TSHZ2: variants seen among roughly 807,000 people sequenced by gnomAD.
The protein encoded by TSHZ2 is teashirt zinc finger homeobox 2.
TSHZ2 carries 21 observed loss-of-function variants against 74.4 expected under a neutral mutation model. The ratio of observed to expected loss-of-function variants is 0.28; its 90% CI spans 0.20 to 0.41. The LOEUF (loss-of-function observed/expected upper bound fraction) is 0.41. Among genes scored for constraint, TSHZ2 ranks in the 10% least tolerant of loss-of-function variants. The pLI is 1.00. For synonymous variants in TSHZ2, 540 were observed against 515.3 expected, an observed-to-expected ratio of 1.05 and a Z score of -0.65; for missense variants, 1,244 against 1,293.5, an observed-to-expected ratio of 0.96 and a Z score of 0.59.
chr20:53,255,459 C>G lies in TSHZ2; in HGVS notation c.2001C>G (p.Pro667=). 1.2e-6 allele frequency: 2 copies of G among 1,610,168 alleles called. No homozygotes were observed. The highest frequency in any genetic ancestry group is 1.7e-6 in the Non-Finnish European group (2 of 1,179,670). ...LMKEGSEKEK[P]QPLEPTSALS... is the part of the protein sequence containing the mutation. ...AAGAGGGCAGCGAGAAGGAGAAACC[C>G]CAGCCCCTGGAGCCCACATCTGCTC... The change falls in exon 2 of 3, where the codon CCC becomes CCG. Residue 667 remains proline (P), a synonymous_variant. Coordinates refer to ENST00000371497, the MANE Select transcript of TSHZ2 (RefSeq NM_173485.6). The surrounding 1 kb of genome is among the most constrained non-coding windows in gnomAD (Gnocchi z 4.1).
chr20:53,255,142 T>C lies in TSHZ2; in HGVS notation c.1684T>C (p.Ser562Pro), dbSNP rs1320477553. 1 of 1,614,018 alleles carries C rather than the reference T, an allele frequency of 6.2e-7. No homozygotes were observed. Among genetic ancestry groups the C allele is most frequent in the Non-Finnish European group, 8.5e-7 (1 of 1,180,034 alleles). Residue 562 changes from serine (S) to proline (P), a missense_variant, in exon 2 of 3, where the codon TCC becomes CCC. Coordinates refer to ENST00000371497, the MANE Select transcript of TSHZ2 (RefSeq NM_173485.6). This position sits in a 1 kb window ranked among gnomAD's most constrained non-coding sequence, Gnocchi z 4.1. ...EGTKPPLPMG[S>P]QVLQIRPNLT... ...CACCAAGCCGCCTTTGCCTATGGGA[T>C]CCCAGGTACTGCAGATCCGGCCTAA...
At chr20:53,168,804 C>T (rs1262110733) in intron 1 of TSHZ2, 1 of 152,220 alleles carries the variant, frequency 6.6e-6, no homozygotes, top group Non-Finnish European at 1.5e-5. Flanking sequence ...ATGCCCATCA[C>T]TTCTTCCCTC....
intron 2 of TSHZ2, among the ~76,000 whole-genome samples, chr20:53,349,160 C>T (rs1980549117): frequency 6.6e-6 from 1 of 152,196 alleles, no homozygotes; most frequent in Non-Finnish European, 1.5e-5. Flanking sequence ...AATCCTTGCT[C>T]TACCACTAAC....
chr20:53,071,813 G>A (rs924575478), intron 1 of TSHZ2, among the ~76,000 whole-genome samples: 1 of 152,160 alleles, frequency 6.6e-6, no homozygotes, highest in Non-Finnish European at 1.5e-5. Context: ...GAGTAGTACT[G>A]TGTGTATCTG....
intron 1 of TSHZ2, among the ~76,000 whole-genome samples, chr20:53,065,640 G>A (rs1288625048): frequency 6.6e-6 from 1 of 152,178 alleles, no homozygotes; most frequent in Non-Finnish European, 1.5e-5. Flanking sequence ...CACTTAAAGT[G>A]CATTCCCTCT....
intron 2 of TSHZ2, among the ~76,000 whole-genome samples, chr20:53,354,805 T>C (rs1980786622): frequency 6.6e-6 from 1 of 152,230 alleles, no homozygotes. Flanking sequence ...TTTTATGATA[T>C]ACAATTAATT....
intron 2 of TSHZ2, among the ~76,000 whole-genome samples, chr20:53,316,651 T>C (rs200652): frequency 0.45 from 67,464 of 151,578 alleles, 16,061 homozygotes; most frequent in Non-Finnish European, 0.54. Context: ...TTGTGAAATA[T>C]GTAATTTTGG....
chr20:52,978,532 G>A lies in TSHZ2; in HGVS notation c.40+5199G>A, dbSNP rs77067712. On this transcript the variant is annotated intron_variant, in intron 1 of 2. Transcript: ENST00000371497. ...CCTTTAAAAAAACACAGAAATTGCC[G>A]AACAAATTCTATATTAAGACCAGGC... Among the ~76,000 whole-genome samples the A allele has an allele frequency of 2.6e-3, 389 of 152,164 alleles. 4 individuals carry two copies. Among genetic ancestry groups the A allele is most frequent in the East Asian group, 0.021 (110 of 5,182 alleles).
intron 1 of TSHZ2, among the ~76,000 whole-genome samples, chr20:53,118,588 G>T (rs1986730748): frequency 6.6e-6 from 1 of 152,252 alleles, no homozygotes; most frequent in African/African-American, 2.4e-5. Context: ...AGGTAAGGGG[G>T]TTGGATTTGT....
chr20:53,210,684 C>T (rs1014589014), intron 1 of TSHZ2, among the ~76,000 whole-genome samples: 1 of 151,974 alleles, frequency 6.6e-6, no homozygotes, highest in African/African-American at 2.4e-5. Flanking sequence ...AACAGAAATG[C>T]CTGTTCCCAC....
At chr20:53,066,682 A>G (rs1374727648) in intron 1 of TSHZ2, among the ~76,000 whole-genome samples, 3 of 151,990 alleles carry the variant, frequency 2.0e-5, no homozygotes, top group African/African-American at 7.2e-5. Flanking sequence ...TAATTTTTGT[A>G]TTTTTAGTAG....
intron 2 of TSHZ2, among the ~76,000 whole-genome samples, chr20:53,333,398 G>A (rs534223337): frequency 2.0e-5 from 3 of 151,992 alleles, no homozygotes; most frequent in Admixed American, 2.0e-4. Context: ...GAGATGTCCT[G>A]GTTGAATGGG....
intron 2 of TSHZ2, among the ~76,000 whole-genome samples, chr20:53,325,336 G>C (rs1223961040): frequency 6.6e-6 from 1 of 152,198 alleles, no homozygotes; most frequent in Admixed American, 6.5e-5. Flanking sequence ...TGAAAATCTA[G>C]ATCTAAAAAG....
intron 2 of TSHZ2, among the ~76,000 whole-genome samples, chr20:53,413,214 G>GCTGATC (rs1983115665): frequency 6.6e-6 from 1 of 152,218 alleles, no homozygotes; most frequent in Non-Finnish European, 1.5e-5. Context: ...ACCAACTCCC[G>GCTGATC]CTGATCGGTG....
intron 2 of TSHZ2, among the ~76,000 whole-genome samples, chr20:53,266,684 A>T (rs906652500): frequency 6.6e-6 from 1 of 152,142 alleles, no homozygotes; most frequent in Non-Finnish European, 1.5e-5. Flanking sequence ...CAAGCCCTAT[A>T]CAAGGCTCTA....
At chr20:53,086,173 G>A (rs1985693949) in intron 1 of TSHZ2, among the ~76,000 whole-genome samples, 1 of 152,198 alleles carries the variant, frequency 6.6e-6, no homozygotes, top group Non-Finnish European at 1.5e-5. Context: ...AGGAAACTAA[G>A]CAATAACAAC....
intron 1 of TSHZ2, among the ~76,000 whole-genome samples, chr20:53,207,680 T>A (rs1312453472): frequency 6.6e-6 from 1 of 151,882 alleles, no homozygotes; most frequent in African/African-American, 2.4e-5. Context: ...TTATTTTATT[T>A]TTTTATTTAT....
At chr20:53,129,384 A>G (rs919892186) in intron 1 of TSHZ2, among the ~76,000 whole-genome samples, 1 of 152,144 alleles carries the variant, frequency 6.6e-6, no homozygotes, top group Non-Finnish European at 1.5e-5. Flanking sequence ...CGGGCAATGG[A>G]TCATCACCTA....
chr20:53,025,568 C>T (rs1388518498), intron 1 of TSHZ2, among the ~76,000 whole-genome samples: 1 of 152,184 alleles, frequency 6.6e-6, no homozygotes, highest in African/African-American at 2.4e-5. Context: ...TGAACTTCCC[C>T]GCCCCACCCC....
Sources: gnomAD v4.1 joint callset for allele counts (sites outside exome capture counted in the v4.1 genomes callset) on GRCh38, gnomAD v4.1.1 for gene constraint, Gnocchi (gnomAD v3.1) non-coding constraint, MANE v1.5 for transcripts, NCBI Gene and HGNC (gene_info 2026-07-23, HGNC 2026-07-21) for gene names.